The following WDR59 variants were observed in gnomAD, a reference collection of about 807,000 sequenced individuals.
WDR59 encodes the protein WD repeat domain 59, also known as GATOR2 complex protein WDR59.
In WDR59, 100 loss-of-function variants were observed where a neutral mutation model predicts 131.2. The ratio of observed to expected loss-of-function variants is 0.76; its 90% CI spans 0.65 to 0.90. The LOEUF (loss-of-function observed/expected upper bound fraction) is 0.90. Among genes scored for constraint, WDR59 ranks in the 40% least tolerant of loss-of-function variants. The pLI is 0.00. For synonymous variants in WDR59, 601 were observed against 466.2 expected (o/e 1.29, Z -3.72); for missense variants, 1,203 against 1,262.2 (o/e 0.95, Z 0.71).
At chr16:74,917,808 CA>C (rs34773155) in intron 11 of WDR59, 120 bp downstream of exon 11, 67,704 of 425,818 alleles carry the variant, frequency 0.16, 818 homozygotes, top group African/African-American at 0.27. Flanking sequence ...GACGCACTCT[CA>C]AAAAAAAAAA....
chr16:74,964,101 C>T (rs1482318058), intron 2 of WDR59, among the ~76,000 whole-genome samples: 3 of 151,960 alleles, frequency 2.0e-5, no homozygotes, highest in Non-Finnish European at 2.9e-5. Flanking sequence ...AAAATGTGTG[C>T]CAAGCACGGT....
intron 2 of WDR59, among the ~76,000 whole-genome samples, chr16:74,964,826 G>A (rs963386475): frequency 1.2e-4 from 19 of 152,020 alleles, no homozygotes; most frequent in African/African-American, 4.6e-4. Context: ...ACTTTGGGAG[G>A]CCAAGGCAGG....
At chr16:74,928,682 A>C (rs530700549) in intron 8 of WDR59, among the ~76,000 whole-genome samples, 4 of 152,116 alleles carry the variant, frequency 2.6e-5, no homozygotes, top group Admixed American at 1.3e-4. Context: ...CGGGCAGATC[A>C]CTTGAGGTCA....
At chr16:74,956,900 C>A (rs1486540744) in intron 2 of WDR59, among the ~76,000 whole-genome samples, 1 of 152,106 alleles carries the variant, frequency 6.6e-6, no homozygotes, top group Non-Finnish European at 1.5e-5. Flanking sequence ...CTTCTCCCAG[C>A]CTTTCCCAAT....
rs74634222 is a variant in WDR59, at chr16:74,934,669, G to C, written c.651+3481C>G. 7.2e-3 allele frequency among the ~76,000 whole-genome samples: 1,090 copies of C among 152,260 alleles called. 16 individuals are homozygous for C. The highest frequency in any genetic ancestry group is 0.025 in the African/African-American group (1,022 of 41,530). On this transcript the variant is annotated intron_variant, in intron 8 of 25. Transcript: ENST00000262144. Reference sequence around the variant, plus strand: ...AAAAGTCCTCTGAAGAAATATCAGGGGCCAGGTGTGGCTCACGCCTGTAAT... The same window carrying C: ...AAAAGTCCTCTGAAGAAATATCAGGCGCCAGGTGTGGCTCACGCCTGTAAT...
chr16:74,902,712 T>C (rs1965612490), intron 18 of WDR59, among the ~76,000 whole-genome samples: 1 of 152,144 alleles, frequency 6.6e-6, no homozygotes, highest in African/African-American at 2.4e-5. Context: ...CTGGCTTTCA[T>C]CTCAACAAAA....
In WDR59 at chr16:74,892,571, A is replaced by G. The variant is rs1423803184; in HGVS notation, c.2001-6T>C. On this transcript the variant is annotated splice_region_variant and splice_polypyrimidine_tract_variant and intron_variant, in intron 19 of 25. Transcript: ENST00000262144. ...GAATATCATTCACATTCAATCTGAA[A>G]TTTTTTAAAAAGAATTAAACATTTC... 4 of 1,611,334 alleles carry G rather than the reference A, an allele frequency of 2.5e-6. No individual in the cohort carries two copies. The African/African-American group carries it at 5.3e-5, about 22-fold the overall frequency.
chr16:74,936,550 GCATGGTAGCT>G (rs2031815196), intron 8 of WDR59, among the ~76,000 whole-genome samples: 1 of 152,032 alleles, frequency 6.6e-6, no homozygotes, highest in South Asian at 2.1e-4. Flanking sequence ...ATGCAGCCGG[GCATGGTAGCT>G]CATGCCTGTA....
chr16:74,956,553 G>GGTC lies in WDR59; in HGVS notation c.161_162insGAC (p.Ile54delinsMetThr). ...CAATGTCCCATTTGCTCTGGCGAGA[G>GGTC]ATCTTTCGGTGACCTTCGAAAGGGG... is the stretch of plus-strand genomic sequence containing the variant. On this transcript the variant is annotated protein_altering_variant, in exon 3 of 26. Coordinates refer to ENST00000262144, the MANE Select transcript of WDR59 (RefSeq NM_030581.4). 6.2e-7 allele frequency: 1 copy of GGTC among 1,614,114 alleles called. No individual in the cohort carries two copies. Among genetic ancestry groups the GGTC allele is most frequent in the Non-Finnish European group, 8.5e-7 (1 of 1,180,012 alleles).
intron 11 of WDR59, among the ~76,000 whole-genome samples, chr16:74,917,537 G>A (rs1966450298): frequency 6.6e-6 from 1 of 152,128 alleles, no homozygotes; most frequent in Non-Finnish European, 1.5e-5. Context: ...TGCCGGGGAA[G>A]GTGGCTCACA....
At position 74,887,506 on chromosome 16, in the gene WDR59, G is replaced by A. The variant is rs78189903; in HGVS notation, c.2419+177C>T. ...AGCAAGGCACAAAGACCCCCAGAAC[G>A]TGGTCTGTTCAACATGCAAAGTCAG... On this transcript the variant is annotated intron_variant, in intron 23 of 25. Transcript: ENST00000262144. 4.5e-3 allele frequency among the ~76,000 whole-genome samples: 682 copies of A among 152,306 alleles called. 6 individuals are homozygous for A. Among genetic ancestry groups the A allele is most frequent in the African/African-American group, 0.015 (611 of 41,556 alleles).
chr16:74,953,728 G>A (rs1163608008), intron 3 of WDR59, among the ~76,000 whole-genome samples: 3 of 151,762 alleles, frequency 2.0e-5, no homozygotes, highest in South Asian at 2.1e-4. Flanking sequence ...AAGGCCGGGC[G>A]TGGTGTCTCA....
intron 18 of WDR59, among the ~76,000 whole-genome samples, chr16:74,903,163 T>C (rs1394294693): frequency 6.6e-6 from 1 of 152,182 alleles, no homozygotes; most frequent in Non-Finnish European, 1.5e-5. Flanking sequence ...TAAAAACAAA[T>C]ATTAATTACA....
chr16:74,971,120 C>T (rs2145215472), intron 1 of WDR59, among the ~76,000 whole-genome samples: 1 of 152,206 alleles, frequency 6.6e-6, no homozygotes, highest in East Asian at 1.9e-4. Context: ...TCACAATGTG[C>T]CAAGGTGTTC....
chr16:74,942,878 C>A (rs753707174), intron 6 of WDR59, 52 bp from the exon 7 acceptor site: 1 of 1,535,104 alleles, frequency 6.5e-7, no homozygotes, highest in Non-Finnish European at 9.0e-7. Context: ...CTTTCGGAAG[C>A]AGAGCAGAGC....
intron 25 of WDR59, among the ~76,000 whole-genome samples, chr16:74,884,973 C>T (rs1567686012): frequency 2.6e-5 from 4 of 152,174 alleles, no homozygotes; most frequent in South Asian, 4.1e-4. Flanking sequence ...TGTTTGCTTG[C>T]GAATATTTAT....
At chr16:74,956,836 T>C (rs1378371431) in intron 2 of WDR59, among the ~76,000 whole-genome samples, 1 of 152,158 alleles carries the variant, frequency 6.6e-6, no homozygotes, top group African/African-American at 2.4e-5. Context: ...CCTCCAGAGA[T>C]GGCCTTCCCT....
intron 1 of WDR59, among the ~76,000 whole-genome samples, chr16:74,973,952 C>T (rs2145227370): frequency 6.6e-6 from 1 of 152,126 alleles, no homozygotes; most frequent in East Asian, 1.9e-4. Flanking sequence ...GGTGGATCAC[C>T]TGAGGTCAAG....
intron 8 of WDR59, among the ~76,000 whole-genome samples, chr16:74,928,383 A>AT (rs938001694): frequency 9.3e-5 from 14 of 150,896 alleles, no homozygotes; most frequent in African/African-American, 3.2e-4. Context: ...CATCCGGCTA[A>AT]TTTTTTTTAT....
Sources: gnomAD v4.1 joint callset for allele counts (sites outside exome capture counted in the v4.1 genomes callset) on GRCh38, gnomAD v4.1.1 for gene constraint, MANE v1.5 for transcripts, NCBI Gene and HGNC (gene_info 2026-07-23, HGNC 2026-07-21) for gene names.